The following ZMAT4 variants were observed in gnomAD, a reference collection of about 807,000 sequenced individuals.
ZMAT4 encodes the protein zinc finger matrin-type protein 4.
A neutral mutation model predicts 28.7 loss-of-function variants in ZMAT4; 17 were observed. That is an observed-to-expected ratio of 0.59 (90% CI 0.41 to 0.89). The LOEUF (loss-of-function observed/expected upper bound fraction) is 0.89. ZMAT4 is among the 40% of genes least tolerant of loss of function. ZMAT4 has a pLI of 0.00. For synonymous variants in ZMAT4, 117 were observed against 109.2 expected (o/e 1.07, Z -0.44); for missense variants, 240 against 283.8 (o/e 0.85, Z 1.11).
At chr8:40,825,475 A>T in intron 2 of ZMAT4, 100 bp downstream of exon 2, 1 of 981,202 alleles carries the variant, frequency 1.0e-6, no homozygotes, top group Non-Finnish European at 1.5e-6. Context: ...GGTTCTTCAA[A>T]TGTGCCCCAA....
chr8:40,543,503 G>T (rs912935576), intron 6 of ZMAT4, among the ~76,000 whole-genome samples: 4 of 152,182 alleles, frequency 2.6e-5, no homozygotes, highest in African/African-American at 9.6e-5. Flanking sequence ...CCTCCAAATT[G>T]TTCCAGCAGG....
intron 5 of ZMAT4, among the ~76,000 whole-genome samples, chr8:40,595,417 A>G (rs984231311): frequency 2.0e-5 from 3 of 152,126 alleles, no homozygotes; most frequent in Admixed American, 6.5e-5. Context: ...ATGTTGCTTT[A>G]TGATAGGGAT....
rs547637922 is a variant in ZMAT4 at position 40,582,557 on chromosome 8, G to A, written c.578-1296C>T. ...GAGTACAAAATTCTGTTCTAGCATT[G>A]TAAATGCCAGGACTGAAAGCTGTAG... On this transcript the variant is annotated intron_variant, in intron 5 of 6. Coordinates refer to ENST00000297737, the MANE Select transcript of ZMAT4 (RefSeq NM_024645.3). 8.2e-4 allele frequency among the ~76,000 whole-genome samples: 124 copies of A among 152,072 alleles called. 1 individual carries two copies. Among genetic ancestry groups the A allele is most frequent in the African/African-American group, 2.8e-3 (115 of 41,530 alleles).
chr8:40,842,293 A>G (rs1178333678), intron 1 of ZMAT4, among the ~76,000 whole-genome samples: 1 of 152,176 alleles, frequency 6.6e-6, no homozygotes, highest in Non-Finnish European at 1.5e-5. Flanking sequence ...ACTTGCAGAA[A>G]CAGGGCAGCG....
At chr8:40,634,063 C>G (rs1406923710) in intron 5 of ZMAT4, among the ~76,000 whole-genome samples, 3 of 151,964 alleles carry the variant, frequency 2.0e-5, no homozygotes, top group Non-Finnish European at 4.4e-5. Context: ...CCACATGCAC[C>G]CAAGCACATT....
At chr8:40,610,567 A>C (rs1308497444) in intron 5 of ZMAT4, among the ~76,000 whole-genome samples, 1 of 152,184 alleles carries the variant, frequency 6.6e-6, no homozygotes, top group Non-Finnish European at 1.5e-5. Context: ...ACTTAAGGGA[A>C]AATGAGTCAT....
At chr8:40,559,774 C>T (rs73675527) in intron 6 of ZMAT4, among the ~76,000 whole-genome samples, 340 of 152,050 alleles carry the variant, frequency 2.2e-3, no homozygotes, top group African/African-American at 8.0e-3. Context: ...CACACACATG[C>T]GAATACACAT....
In ZMAT4 at chr8:40,742,773, ACACACACAC is replaced by A. The variant is rs1563451349; in HGVS notation, c.192+24859_192+24867del. ...TGCACACACACACACACACACACAC[ACACACACAC>A]ACACACACACAAACAGCCGTCTCAA... On this transcript the variant is annotated intron_variant, in intron 3 of 6. Coordinates refer to ENST00000297737, the MANE Select transcript of ZMAT4 (RefSeq NM_024645.3). 8.0e-3 allele frequency among the ~76,000 whole-genome samples: 1,214 copies of A among 152,148 alleles called. 18 individuals are homozygous for A. The highest frequency in any genetic ancestry group is 0.028 in the African/African-American group (1,149 of 41,456).
intron 5 of ZMAT4, among the ~76,000 whole-genome samples, chr8:40,651,110 T>C (rs1798235303): frequency 6.6e-6 from 1 of 152,008 alleles, no homozygotes; most frequent in African/African-American, 2.4e-5. Context: ...TAAAGGGTAT[T>C]CAGTTAGGAA....
At chr8:40,810,312 A>T (rs1815268035) in intron 2 of ZMAT4, among the ~76,000 whole-genome samples, 3 of 152,220 alleles carry the variant, frequency 2.0e-5, no homozygotes, top group Non-Finnish European at 4.4e-5. Context: ...AAGAAGATAG[A>T]TACGTGATTT....
At chr8:40,855,679 C>CTTTTTT (rs34420719) in intron 1 of ZMAT4, among the ~76,000 whole-genome samples, 19 of 139,922 alleles carry the variant, frequency 1.4e-4, no homozygotes, top group Admixed American at 1.1e-3. Flanking sequence ...TTCACCAAAA[C>CTTTTTT]TTTTTTTTTT....
intron 3 of ZMAT4, among the ~76,000 whole-genome samples, chr8:40,737,280 CTCT>C (rs1811808192): frequency 6.6e-6 from 1 of 151,846 alleles, no homozygotes; most frequent in Non-Finnish European, 1.5e-5. Context: ...TCCAAGACAA[CTCT>C]TCTTCTTCCA....
intron 1 of ZMAT4, among the ~76,000 whole-genome samples, chr8:40,831,407 C>A (rs568484083): frequency 3.3e-5 from 5 of 152,290 alleles, no homozygotes; most frequent in Non-Finnish European, 4.4e-5. Flanking sequence ...AAGGGAGAAG[C>A]ATGTCATTCA....
intron 5 of ZMAT4, among the ~76,000 whole-genome samples, chr8:40,608,792 G>A (rs927181190): frequency 3.9e-5 from 6 of 152,004 alleles, no homozygotes; most frequent in Non-Finnish European, 5.9e-5. Context: ...ATTTCACTCG[G>A]CTCTCTCAAT....
chr8:40,571,587 C>T (rs994032945), intron 6 of ZMAT4, among the ~76,000 whole-genome samples: 2 of 152,118 alleles, frequency 1.3e-5, no homozygotes, highest in Non-Finnish European at 2.9e-5. Flanking sequence ...CACAGTGATG[C>T]TGATTATCCA....
chr8:40,801,096 A>G (rs1276331896), intron 2 of ZMAT4, among the ~76,000 whole-genome samples: 2 of 151,784 alleles, frequency 1.3e-5, no homozygotes, highest in African/African-American at 2.4e-5. Flanking sequence ...GAAAAATTCT[A>G]TGTCCAAAAA....
At chr8:40,860,522 C>T (rs763897116) in intron 1 of ZMAT4, among the ~76,000 whole-genome samples, 1 of 152,158 alleles carries the variant, frequency 6.6e-6, no homozygotes, top group Non-Finnish European at 1.5e-5. Flanking sequence ...CTTCCAGGCC[C>T]ACACATGAAG....
chr8:40,650,941 C>G (rs1807613670), intron 5 of ZMAT4, among the ~76,000 whole-genome samples: 1 of 151,386 alleles, frequency 6.6e-6, no homozygotes, highest in South Asian at 2.1e-4. Context: ...ATAATAAGAG[C>G]TATCTATGAC....
At chr8:40,770,068 T>G (rs4282554) in intron 2 of ZMAT4, among the ~76,000 whole-genome samples, 124,561 of 152,076 alleles carry the variant, frequency 0.82, 52,534 homozygotes, top group Non-Finnish European at 0.94. Context: ...TGGCTACACC[T>G]CAGGCAGTGC....
Sources: allele counts gnomAD v4.1 joint callset (sites outside exome capture counted in the v4.1 genomes callset), GRCh38; gene constraint gnomAD v4.1.1; transcripts MANE v1.5; gene names NCBI Gene and HGNC (gene_info 2026-07-23, HGNC 2026-07-21).